RORA: variants seen among roughly 807,000 people sequenced by gnomAD.
RORA encodes the protein RAR related orphan receptor A.
Under a neutral mutation model 69.5 loss-of-function variants are expected in RORA, and 7 were observed. The observed-to-expected ratio is 0.10, with a 90% CI of 0.06 to 0.19. The LOEUF is 0.19. Ranked by LOEUF, RORA falls within the 10% of genes least tolerant of loss-of-function variation. The pLI is 1.00. For missense variants in RORA, 457 were observed against 663.0 expected (o/e 0.69, Z 3.41); for synonymous variants, 261 against 240.8 (o/e 1.08, Z -0.78).
At chr15:60,795,328 A>T (rs964035493) in intron 1 of RORA, among the ~76,000 whole-genome samples, 3 of 152,234 alleles carry the variant, frequency 2.0e-5, no homozygotes, top group African/African-American at 7.2e-5. Context: ...ACGAAACAAC[A>T]AGAGCAGCAG....
In RORA at chr15:61,045,619, T is replaced by C. The variant is rs550082911; in HGVS notation, c.166+183434A>G. Among the ~76,000 whole-genome samples, 9 of 151,940 alleles carry C rather than the reference T, an allele frequency of 5.9e-5. No homozygotes were observed. The East Asian group carries it at 1.7e-3, about 30-fold the overall frequency. On this transcript the variant is annotated intron_variant, in intron 1 of 10. Coordinates refer to ENST00000335670, the MANE Select transcript of RORA (RefSeq NM_134261.3). ...CAGATCATCCAAGGGGTGTACCAGG[T>C]ATAGAGGGGAGAAGAAGACCCTAGA...
intron 1 of RORA, among the ~76,000 whole-genome samples, chr15:61,209,445 C>T (rs764513206): frequency 2.0e-5 from 3 of 152,112 alleles, no homozygotes; most frequent in Non-Finnish European, 4.4e-5. Context: ...AATGACAAAG[C>T]TAAAAAATTT....
intron 1 of RORA, among the ~76,000 whole-genome samples, chr15:60,933,350 A>C (rs1449837227): frequency 6.6e-6 from 1 of 152,160 alleles, no homozygotes; most frequent in Admixed American, 6.5e-5. Context: ...CCCTAAATGT[A>C]CTGTGCATTT....
At chr15:61,175,516 G>A (rs2079619717) in intron 1 of RORA, among the ~76,000 whole-genome samples, 1 of 146,148 alleles carries the variant, frequency 6.8e-6, no homozygotes, top group African/African-American at 2.5e-5. Context: ...AGACCAGCCT[G>A]AGCAACATAG....
intron 1 of RORA, among the ~76,000 whole-genome samples, chr15:60,891,173 A>T (rs999289321): frequency 1.3e-5 from 2 of 152,232 alleles, no homozygotes; most frequent in Non-Finnish European, 2.9e-5. Context: ...CCTGCAAATG[A>T]GCCCATTTTT....
intron 2 of RORA, among the ~76,000 whole-genome samples, chr15:60,667,397 C>CGAAAT (rs146846883): frequency 0.015 from 2,282 of 152,220 alleles, 61 homozygotes; most frequent in African/African-American, 0.051. Flanking sequence ...CACTGAGAAA[C>CGAAAT]GAAATCGGAG....
chr15:60,819,763 A>ACACACACACACACACACACG (rs1567202055), intron 1 of RORA, among the ~76,000 whole-genome samples: 6 of 140,806 alleles, frequency 4.3e-5, no homozygotes, highest in African/African-American at 1.5e-4. Context: ...ACACACACAC[A>ACACACACACACACACACACG]CACACACACA....
intron 1 of RORA, among the ~76,000 whole-genome samples, chr15:60,906,805 G>C (rs1891556829): frequency 6.6e-6 from 1 of 152,078 alleles, no homozygotes; most frequent in Non-Finnish European, 1.5e-5. Context: ...AAAAAAACTT[G>C]TACCTGCATT....
chr15:60,710,811 G>A (rs2071132287), intron 1 of RORA, among the ~76,000 whole-genome samples: 1 of 152,154 alleles, frequency 6.6e-6, no homozygotes, highest in Non-Finnish European at 1.5e-5. Flanking sequence ...TGGTCCCAGG[G>A]CACAGAAGAG....
At chr15:60,553,982 A>G (rs539890168) in intron 2 of RORA, among the ~76,000 whole-genome samples, 1 of 152,288 alleles carries the variant, frequency 6.6e-6, no homozygotes, top group African/African-American at 2.4e-5. Context: ...CCCCTCACAT[A>G]CATATAAAAT....
intron 1 of RORA, chr15:60,848,757 G>T (rs1246101855): frequency 2.0e-5 from 3 of 152,500 alleles, no homozygotes; most frequent in African/African-American, 7.2e-5. Flanking sequence ...AGGGGGAGAT[G>T]CCACACACTT....
intron 1 of RORA, among the ~76,000 whole-genome samples, chr15:61,160,109 G>A (rs773084473): frequency 7.9e-5 from 12 of 152,194 alleles, no homozygotes; most frequent in Non-Finnish European, 1.8e-4. Context: ...TAAAAGAAAT[G>A]ATGTGACAAT....
chr15:61,058,602 G>A (rs556921503), intron 1 of RORA, among the ~76,000 whole-genome samples: 70 of 152,256 alleles, frequency 4.6e-4, no homozygotes, highest in African/African-American at 1.7e-3. Context: ...GAGTTGGGGA[G>A]GACAGAACAA....
At chr15:61,020,500 G>A (rs1462667137) in intron 1 of RORA, among the ~76,000 whole-genome samples, 2 of 152,194 alleles carry the variant, frequency 1.3e-5, no homozygotes, top group Non-Finnish European at 2.9e-5. Context: ...AAATGTGAAT[G>A]AGGCTCTTTT....
intron 1 of RORA, among the ~76,000 whole-genome samples, chr15:60,859,475 T>G (rs930607056): frequency 3.2e-4 from 21 of 65,744 alleles, no homozygotes; most frequent in African/African-American, 1.3e-3. Context: ...TTTCTTTGCC[T>G]TTTTTTTTTT....
At chr15:60,823,964 T>C (rs542182383) in intron 1 of RORA, among the ~76,000 whole-genome samples, 2 of 152,294 alleles carry the variant, frequency 1.3e-5, no homozygotes, top group East Asian at 1.9e-4. Flanking sequence ...GTTTAAAACA[T>C]GGTTTATGGC....
intron 1 of RORA, among the ~76,000 whole-genome samples, chr15:60,802,620 C>T (rs28410611): frequency 0.08 from 12,141 of 152,010 alleles, 570 homozygotes; most frequent in African/African-American, 0.14. Flanking sequence ...TATGTGTATA[C>T]GTGGGGTGTA....
chr15:60,785,138 T>A (rs2072317703), intron 1 of RORA, among the ~76,000 whole-genome samples: 1 of 152,256 alleles, frequency 6.6e-6, no homozygotes, highest in Non-Finnish European at 1.5e-5. Context: ...TGTACATTCA[T>A]TACAGAGCTT....
chr15:60,843,703 C>T (rs1301371813), intron 1 of RORA, among the ~76,000 whole-genome samples: 1 of 152,194 alleles, frequency 6.6e-6, no homozygotes, highest in Non-Finnish European at 1.5e-5. Flanking sequence ...GAAAAGAAAG[C>T]CAAAGGCTGA....
Sources: gnomAD v4.1 joint callset for allele counts (sites outside exome capture counted in the v4.1 genomes callset) on GRCh38, gnomAD v4.1.1 for gene constraint, MANE v1.5 for transcripts, NCBI Gene and HGNC (gene_info 2026-07-23, HGNC 2026-07-21) for gene names.